The following PPFIBP2 variants were observed in gnomAD, a reference collection of about 807,000 sequenced individuals.
PPFIBP2 encodes the protein PPFIB scaffold protein 2, also known as liprin-beta-2.
In PPFIBP2, 118 loss-of-function variants were observed where a neutral mutation model predicts 118.3. The observed-to-expected ratio is 1.00, with a 90% confidence interval of 0.86 to 1.16. The LOEUF (loss-of-function observed/expected upper bound fraction) is 1.16. Among genes scored for constraint, PPFIBP2 ranks in the 50% most tolerant of loss-of-function variants. The pLI is 0.00. For missense variants in PPFIBP2, 1,195 were observed against 1,073.1 expected (o/e 1.11, Z -1.59); for synonymous variants, 414 against 397.4 (o/e 1.04, Z -0.50).
chr11:7,537,626 G>T (rs889287458), intron 1 of PPFIBP2, among the ~76,000 whole-genome samples: 2 of 152,234 alleles, frequency 1.3e-5, no homozygotes, highest in African/African-American at 4.8e-5. Flanking sequence ...GGAAGGGAAA[G>T]AGCCTCCTCT....
At chr11:7,552,296 C>T (rs981133408) in intron 2 of PPFIBP2, among the ~76,000 whole-genome samples, 1 of 152,180 alleles carries the variant, frequency 6.6e-6, no homozygotes, top group African/African-American at 2.4e-5. Context: ...GTGCCTGGCA[C>T]ATAGTAAGCA....
At chr11:7,542,256 G>A (rs12788646) in intron 1 of PPFIBP2, among the ~76,000 whole-genome samples, 39,359 of 152,128 alleles carry the variant, frequency 0.26, 5,885 homozygotes, top group East Asian at 0.38. Context: ...GATTAAGTGA[G>A]ATAATGTTGG....
intron 23 of PPFIBP2, 34 bp downstream of exon 23, chr11:7,651,878 G>T (rs1854074302): frequency 1.3e-6 from 2 of 1,578,094 alleles, no homozygotes; most frequent in Admixed American, 3.4e-5. Flanking sequence ...TGGGCCCTGG[G>T]CTGCCTCCTG....
chr11:7,528,602 G>A (rs1850420558), intron 1 of PPFIBP2, among the ~76,000 whole-genome samples: 1 of 152,224 alleles, frequency 6.6e-6, no homozygotes, highest in South Asian at 2.1e-4. Context: ...TGGAAGCGTG[G>A]GATGAGGGTA....
At chr11:7,634,463 A>G (rs1020306074) in intron 12 of PPFIBP2, 32 bp from the exon 13 acceptor site, 11 of 1,552,010 alleles carry the variant, frequency 7.1e-6, no homozygotes, top group African/African-American at 2.7e-5. Flanking sequence ...CCTCCTTCTC[A>G]TAACTATTTC....
chr11:7,665,219 T>G, the PPFIBP2 span: 2 of 608,236 alleles, frequency 3.3e-6, no homozygotes, highest in Non-Finnish European at 5.4e-6. Context: ...TTGAGCCCTT[T>G]TTGTTAGGCC....
intron 6 of PPFIBP2, among the ~76,000 whole-genome samples, chr11:7,619,453 G>T (rs913843874): frequency 6.6e-6 from 1 of 152,198 alleles, no homozygotes; most frequent in African/African-American, 2.4e-5. Context: ...GCAGGGAGCT[G>T]TCAGGTCACG....
chr11:7,577,023 G>A (rs73411144), intron 3 of PPFIBP2: 9,580 of 152,966 alleles, frequency 0.063, 995 homozygotes, highest in African/African-American at 0.22. Context: ...TAAACTGAGA[G>A]CAGCTGGGAG....
intron 6 of PPFIBP2, among the ~76,000 whole-genome samples, chr11:7,617,665 A>G (rs1848824084): frequency 2.0e-5 from 3 of 151,790 alleles, no homozygotes; most frequent in Admixed American, 2.0e-4. Flanking sequence ...AGATTAAACA[A>G]ACTTTTGTTT....
chr11:7,566,282 T>TGTATG (rs1326017337), intron 3 of PPFIBP2, among the ~76,000 whole-genome samples: 2 of 152,252 alleles, frequency 1.3e-5, no homozygotes, highest in African/African-American at 2.4e-5. Context: ...CGTATTCCTC[T>TGTATG]GTATGGTCTC....
chr11:7,646,952 A>G (rs929182690), intron 17 of PPFIBP2, among the ~76,000 whole-genome samples: 9 of 152,194 alleles, frequency 5.9e-5, no homozygotes, highest in African/African-American at 2.2e-4. Flanking sequence ...TGTATATTCA[A>G]ATTTTATACT....
chr11:7,650,902 A>G lies in PPFIBP2; in HGVS notation c.2184A>G (p.Arg728=). Reference sequence around the variant, plus strand: ...ACCACAGGGTGATGGAGTGGTTACGATCTGTGGACCTGGCAGAGTATGCAC... The same window carrying G: ...ACCACAGGGTGATGGAGTGGTTACGGTCTGTGGACCTGGCAGAGTATGCAC... ...WSNHRVMEWL[R]SVDLAEYAPN... is the part of the protein sequence containing the mutation. The change falls in exon 22 of 24, where the codon CGA becomes CGG. Residue 728 remains arginine (R), a synonymous_variant. Coordinates refer to ENST00000299492, the MANE Select transcript of PPFIBP2 (RefSeq NM_003621.5). 1 of 1,614,104 alleles carries G rather than the reference A, an allele frequency of 6.2e-7. No homozygotes were observed. The highest frequency in any genetic ancestry group is 8.5e-7 in the Non-Finnish European group (1 of 1,179,982).
chr11:7,648,995 A>G, intron 19 of PPFIBP2, 84 bp downstream of exon 19: 1 of 1,382,282 alleles, frequency 7.2e-7, no homozygotes, highest in Non-Finnish European at 1.0e-6. Context: ...GGGTACCTCA[A>G]GGACAGCTGT....
intron 3 of PPFIBP2, among the ~76,000 whole-genome samples, chr11:7,569,932 C>A (rs1312472207): frequency 1.3e-5 from 2 of 152,292 alleles, no homozygotes; most frequent in Admixed American, 6.5e-5. Context: ...GCCCCAGAAC[C>A]CCACAGGTGG....
rs757982955 is a variant in PPFIBP2 at position 7,642,326 on chromosome 11, T to C, written c.1546T>C (p.Tyr516His). The change falls in exon 17 of 24, where the codon TAC becomes CAC. Residue 516 changes from tyrosine to histidine, a missense_variant. Tyr to His is a moderately conservative substitution (Grantham distance 83, BLOSUM62 2). Transcript: ENST00000299492. ...KIRRTQSGNF[Y>H]TDTLGMAEFR... ...CCGAAGAACTCAGTCAGGAAATTTC[T>C]ACACTGACACGCTGGGGATGGCAGA... 6.2e-7 allele frequency: 1 copy of C among 1,614,138 alleles called. No individual in the cohort carries two copies. Among genetic ancestry groups the C allele is most frequent in the Non-Finnish European group, 8.5e-7 (1 of 1,179,984 alleles).
chr11:7,559,078 C>T (rs1853992395), intron 2 of PPFIBP2, among the ~76,000 whole-genome samples: 1 of 152,182 alleles, frequency 6.6e-6, no homozygotes, highest in South Asian at 2.1e-4. Flanking sequence ...GCTCAGGTGA[C>T]TTCAATGTGC....
chr11:7,569,750 G>C (rs7105330), intron 3 of PPFIBP2, among the ~76,000 whole-genome samples: 50,227 of 152,066 alleles, frequency 0.33, 9,411 homozygotes, highest in African/African-American at 0.51. Context: ...CCAAGCTCAG[G>C]GTCAGTGCTC....
chr11:7,563,467 A>T (rs1339427040), intron 2 of PPFIBP2, among the ~76,000 whole-genome samples: 1 of 152,146 alleles, frequency 6.6e-6, no homozygotes, highest in Non-Finnish European at 1.5e-5. Context: ...GTGATCCATG[A>T]TTCCCTGTAT....
At chr11:7,610,179 T>A (rs1311427719) in intron 5 of PPFIBP2, 112 bp from the exon 6 acceptor site, 2 of 1,335,750 alleles carry the variant, frequency 1.5e-6, no homozygotes, top group Non-Finnish European at 2.1e-6. Flanking sequence ...CAGTCTCAAT[T>A]CTGTGTTGTT....
Sources: allele counts gnomAD v4.1 joint callset (sites outside exome capture counted in the v4.1 genomes callset), GRCh38; gene constraint gnomAD v4.1.1; transcripts MANE v1.5; gene names NCBI Gene and HGNC (gene_info 2026-07-23, HGNC 2026-07-21).